CA8: variants seen among roughly 807,000 people sequenced by gnomAD.
CA8 encodes the protein carbonic anhydrase 8 (inactive), also known as carbonic anhydrase-related protein.
CA8 carries 22 observed loss-of-function variants against 41.4 expected under a neutral mutation model. The ratio of observed to expected loss-of-function variants is 0.53; its 90% CI spans 0.38 to 0.76. CA8 has a LOEUF of 0.76. CA8 is among the 30% of genes least tolerant of loss of function. CA8 has a pLI of 0.00. For synonymous variants in CA8, 121 were observed against 130.6 expected (o/e 0.93, Z 0.50); for missense variants, 270 against 352.8 (o/e 0.77, Z 1.88).
intron 3 of CA8, among the ~76,000 whole-genome samples, chr8:60,233,655 T>C (rs1049719747): frequency 2.6e-5 from 4 of 152,228 alleles, no homozygotes; most frequent in Non-Finnish European, 5.9e-5. Context: ...GGAGTCCTAG[T>C]GGTAGAGGTA....
In CA8 at chr8:60,270,053, A is replaced by G. The variant is rs78903119; in HGVS notation, c.293-4004T>C. ...CTTAAGAGTGTTCTAGGAGAATAAA[A>G]TCAAAAGTTAGCTACAGTCAAGGTG... On this transcript the variant is annotated intron_variant, in intron 2 of 8. Coordinates refer to ENST00000317995, the MANE Select transcript of CA8 (RefSeq NM_004056.6). Among the ~76,000 whole-genome samples the G allele has an allele frequency of 3.2e-3, 494 of 152,330 alleles. 1 individual carries two copies. The highest frequency in any genetic ancestry group is 0.012 in the African/African-American group (483 of 41,576).
At chr8:60,216,951 T>C (rs1235786935) in intron 7 of CA8, among the ~76,000 whole-genome samples, 1 of 152,202 alleles carries the variant, frequency 6.6e-6, no homozygotes, top group African/African-American at 2.4e-5. Context: ...TGGTACAGTC[T>C]CGGTTCACTG....
intron 2 of CA8, among the ~76,000 whole-genome samples, chr8:60,276,089 G>A (rs1227008399): frequency 6.6e-6 from 1 of 152,214 alleles, no homozygotes; most frequent in Non-Finnish European, 1.5e-5. Context: ...GAAGTTCCTG[G>A]AAGATGAACT....
intron 3 of CA8, among the ~76,000 whole-genome samples, chr8:60,236,533 G>A (rs116304125): frequency 0.016 from 2,425 of 152,100 alleles, 77 homozygotes; most frequent in African/African-American, 0.055. Flanking sequence ...ATCTGATGAC[G>A]ACTAATACCA....
At chr8:60,270,510 G>A (rs1411161857) in intron 2 of CA8, among the ~76,000 whole-genome samples, 2 of 152,166 alleles carry the variant, frequency 1.3e-5, no homozygotes, top group African/African-American at 4.8e-5. Context: ...CCGCCTCCCA[G>A]GTTCAAGAGA....
intron 8 of CA8, among the ~76,000 whole-genome samples, chr8:60,204,690 T>C (rs1806528174): frequency 1.3e-5 from 2 of 152,224 alleles, no homozygotes; most frequent in South Asian, 4.1e-4. Flanking sequence ...GAGGAAATTC[T>C]ATGAGATATA....
At chr8:60,247,206 C>T (rs2130539548) in intron 3 of CA8, among the ~76,000 whole-genome samples, 1 of 152,248 alleles carries the variant, frequency 6.6e-6, no homozygotes, top group South Asian at 2.1e-4. Context: ...ACAGTGACCA[C>T]TTCATGGCAT....
chr8:60,196,964 T>C (rs1264437767), intron 8 of CA8, among the ~76,000 whole-genome samples: 1 of 152,258 alleles, frequency 6.6e-6, no homozygotes, highest in African/African-American at 2.4e-5. Context: ...CAGGACATGA[T>C]ATAATGTAAG....
At position 60,254,802 on chromosome 8, in the gene CA8, A is replaced by G. The variant is rs111592096; in HGVS notation, c.417+11123T>C. On this transcript the variant is annotated intron_variant, in intron 3 of 8. Coordinates refer to ENST00000317995, the MANE Select transcript of CA8 (RefSeq NM_004056.6). ...ATTAGAAAAGAAAAAACAAATAAGC[A>G]AGCCCTGGATGATTCAAAATCCCTG... 8.2e-3 allele frequency among the ~76,000 whole-genome samples: 1,251 copies of G among 152,268 alleles called. 16 individuals carry two copies. Among genetic ancestry groups the G allele is most frequent in the African/African-American group, 0.028 (1,179 of 41,536 alleles).
chr8:60,213,069 T>C (rs1471708736), intron 7 of CA8, among the ~76,000 whole-genome samples: 1 of 152,218 alleles, frequency 6.6e-6, no homozygotes, highest in Non-Finnish European at 1.5e-5. Flanking sequence ...TACTGCAGCC[T>C]TGTTTTTGCC....
intron 5 of CA8, among the ~76,000 whole-genome samples, chr8:60,226,255 T>C (rs1433713270): frequency 6.6e-6 from 1 of 152,158 alleles, no homozygotes; most frequent in Non-Finnish European, 1.5e-5. Context: ...TCTTCAGGAC[T>C]AACTCTTTGC....
At chr8:60,214,498 A>G (rs1052817985) in intron 7 of CA8, among the ~76,000 whole-genome samples, 2 of 152,194 alleles carry the variant, frequency 1.3e-5, no homozygotes, top group South Asian at 2.1e-4. Flanking sequence ...TCTATAACAA[A>G]TGTTCCCAAT....
chr8:60,186,123 T>C lies in CA8; in HGVS notation c.*3898A>G, dbSNP rs1316688135. On this transcript the variant is annotated 3_prime_UTR_variant, in exon 9 of 9. Coordinates refer to ENST00000317995, the MANE Select transcript of CA8 (RefSeq NM_004056.6). Reference sequence around the variant, plus strand: ...CAGAAATGGTAAATTAAAAGCTTACTAGAAGAAACTCTATAAATATAATTT... The same window carrying C: ...CAGAAATGGTAAATTAAAAGCTTACCAGAAGAAACTCTATAAATATAATTT... 6.6e-6 allele frequency among the ~76,000 whole-genome samples: 1 copy of C among 152,042 alleles called. No individual in the cohort carries two copies. The highest frequency in any genetic ancestry group is 6.5e-5 in the Admixed American group (1 of 15,272).
intron 2 of CA8, among the ~76,000 whole-genome samples, chr8:60,266,696 G>C (rs1803911386): frequency 6.6e-6 from 1 of 152,068 alleles, no homozygotes; most frequent in Admixed American, 6.5e-5. Flanking sequence ...TCTCATTGCT[G>C]GATATGATCA....
In CA8 at chr8:60,272,825, A is replaced by G. The variant is rs576340314; in HGVS notation, c.293-6776T>C. On this transcript the variant is annotated intron_variant, in intron 2 of 8. Transcript: ENST00000317995. ...TGTAACTGTTTGCAAAAGATGAAACAAAGATTGCCAACCTCACCCTGCAGG... is the reference window on the plus strand; with the variant it reads ...TGTAACTGTTTGCAAAAGATGAAACGAAGATTGCCAACCTCACCCTGCAGG... Among the ~76,000 whole-genome samples, 11 of 152,376 alleles carry G rather than the reference A, an allele frequency of 7.2e-5. No individual in the cohort carries two copies. In the South Asian group the frequency reaches 2.1e-3, roughly 29 times the overall value.
intron 8 of CA8, among the ~76,000 whole-genome samples, chr8:60,203,760 C>A (rs2130405215): frequency 6.6e-6 from 1 of 152,160 alleles, no homozygotes; most frequent in South Asian, 2.1e-4. Context: ...TTAGTAATTT[C>A]CTTAGATGAA....
At chr8:60,190,862 A>G (rs1447688044) in intron 8 of CA8, among the ~76,000 whole-genome samples, 1 of 150,232 alleles carries the variant, frequency 6.7e-6, no homozygotes, top group Non-Finnish European at 1.5e-5. Flanking sequence ...TTAATAAATT[A>G]TATTACTATG....
At chr8:60,240,560 T>A (rs191133517) in intron 3 of CA8, among the ~76,000 whole-genome samples, 3 of 152,348 alleles carry the variant, frequency 2.0e-5, no homozygotes, top group Non-Finnish European at 4.4e-5. Context: ...ATGCAGCCCA[T>A]GAACTCAGAT....
At chr8:60,243,258 G>A (rs1263834981) in intron 3 of CA8, among the ~76,000 whole-genome samples, 1 of 151,896 alleles carries the variant, frequency 6.6e-6, no homozygotes, top group Non-Finnish European at 1.5e-5. Context: ...TTCCTGCCAG[G>A]ACCTCCTGCC....
Sources: allele counts gnomAD v4.1 joint callset (sites outside exome capture counted in the v4.1 genomes callset), GRCh38; gene constraint gnomAD v4.1.1; transcripts MANE v1.5; gene names NCBI Gene and HGNC (gene_info 2026-07-23, HGNC 2026-07-21).